DNAJC3: variants seen among roughly 807,000 people sequenced by gnomAD.
The protein encoded by DNAJC3 is dnaJ homolog subfamily C member 3.
DNAJC3 carries 38 observed loss-of-function variants against 68.6 expected under a neutral mutation model. That is an observed-to-expected ratio of 0.55 (90% CI 0.43 to 0.73). DNAJC3 has a LOEUF of 0.73. Among genes scored for constraint, DNAJC3 ranks in the 30% least tolerant of loss-of-function variants. The probability of loss-of-function intolerance (pLI) is 0.00; values close to 1 mark genes in which losing one functional copy is unlikely to be tolerated. For missense variants in DNAJC3, 526 were observed against 591.9 expected, an observed-to-expected ratio of 0.89 and a Z score of 1.16; for synonymous variants, 203 against 204.0, an observed-to-expected ratio of 1.00 and a Z score of 0.04.
Position 95,748,373 on chromosome 13 carries a change from TCTGTGGATCTGTATCAA to T in DNAJC3, c.394-9270_394-9254del, listed in dbSNP as rs543876974. ...CATTTGATAAACTCTCCTTTGGTAG[TCTGTGGATCTGTATCAA>T]TTGTAAACAATTCAAACTAACATAA... On this transcript the variant is annotated intron_variant, in intron 4 of 11. Transcript: ENST00000602402. Among the ~76,000 whole-genome samples, 93 of 152,360 alleles carry T rather than the reference TCTGTGGATCTGTATCAA, an allele frequency of 6.1e-4. 1 individual carries two copies. In the South Asian group the frequency reaches 0.018, roughly 30 times the overall value.
At chr13:95,688,310 T>G (rs542310656) in intron 1 of DNAJC3, among the ~76,000 whole-genome samples, 1 of 151,334 alleles carries the variant, frequency 6.6e-6, no homozygotes, top group African/African-American at 2.5e-5. Context: ...TCCAGTACTG[T>G]GGCAAATAGG....
intron 1 of DNAJC3, 47 bp downstream of exon 1, chr13:95,677,384 C>A: frequency 6.5e-7 from 1 of 1,529,236 alleles, no homozygotes; most frequent in Non-Finnish European, 8.8e-7. Flanking sequence ...CCGGACCAGG[C>A]CCCCCGCGCT....
chr13:95,709,934 C>T (rs1005145734), intron 2 of DNAJC3, among the ~76,000 whole-genome samples: 3 of 152,142 alleles, frequency 2.0e-5, no homozygotes, highest in Admixed American at 6.5e-5. Context: ...CCACTGCGCC[C>T]GGCCAGCTTC....
chr13:95,790,981 A>G lies in DNAJC3; in HGVS notation c.1466A>G (p.Asn489Ser). ...AGCTGGAACTCATGGCAAGGGTTCA[A>G]TCCCTTCAGCTCAGGCGGACCATTT... ...HRSWNSWQGF[N>S]PFSSGGPFRF... The change falls in exon 12 of 12, where the codon AAT (asparagine) becomes AGT (serine). Residue 489 changes from asparagine to serine, a missense_variant. Transcript: ENST00000602402. The G allele has an allele frequency of 3.1e-6, 5 of 1,613,688 alleles. No homozygotes were observed. The highest frequency in any genetic ancestry group is 2.2e-5 in the South Asian group (2 of 90,934).
At chr13:95,767,849 C>A (rs1308392219) in intron 9 of DNAJC3, among the ~76,000 whole-genome samples, 1 of 151,274 alleles carries the variant, frequency 6.6e-6, no homozygotes, top group East Asian at 1.9e-4. Context: ...ACCACCACAC[C>A]TGGCTTTTTT....
chr13:95,764,312 C>T (rs1173549550), intron 9 of DNAJC3, among the ~76,000 whole-genome samples: 2 of 150,910 alleles, frequency 1.3e-5, no homozygotes, highest in African/African-American at 4.9e-5. Flanking sequence ...TATCTATGCA[C>T]ATATATTACT....
intron 4 of DNAJC3, among the ~76,000 whole-genome samples, chr13:95,747,478 A>T (rs960152093): frequency 6.6e-6 from 1 of 152,218 alleles, no homozygotes; most frequent in African/African-American, 2.4e-5. Context: ...AGAGGCAAGC[A>T]TGTGCCTGTC....
At chr13:95,719,276 G>C (rs138255438) in intron 2 of DNAJC3, among the ~76,000 whole-genome samples, 3 of 152,312 alleles carry the variant, frequency 2.0e-5, no homozygotes, top group African/African-American at 7.2e-5. Context: ...TTGGCTGCAT[G>C]GAAGTTCTTC....
chr13:95,771,659 G>A (rs994585227), intron 9 of DNAJC3, among the ~76,000 whole-genome samples: 1 of 152,140 alleles, frequency 6.6e-6, no homozygotes, highest in Non-Finnish European at 1.5e-5. Context: ...CTAGGGTCTG[G>A]ATCTAGTCAG....
At position 95,769,992 on chromosome 13, in the gene DNAJC3, A is replaced by G. The variant is rs546665549; in HGVS notation, c.1075+6039A>G. ...CAGATTTCCAAATTATGAAAAGCTTAAAGTGTTGGAAGTAAAAAGTGCTAA... is the reference window on the plus strand; with the variant it reads ...CAGATTTCCAAATTATGAAAAGCTTGAAGTGTTGGAAGTAAAAAGTGCTAA... On this transcript the variant is annotated intron_variant, in intron 9 of 11. Transcript: ENST00000602402. Among the ~76,000 whole-genome samples, 4 of 152,348 alleles carry G rather than the reference A, an allele frequency of 2.6e-5. No homozygotes were observed. In the East Asian group the frequency reaches 7.7e-4, roughly 29 times the overall value.
intron 1 of DNAJC3, chr13:95,693,587 ACAGCCCTTAGTGT>A (rs1414932501): frequency 1.3e-5 from 2 of 150,870 alleles, no homozygotes; most frequent in East Asian, 3.9e-4. Context: ...TCTAAAACTT[ACAGCCCTTAGTGT>A]AACCTAGGGA....
chr13:95,731,619 C>T (rs1023668797), intron 4 of DNAJC3, among the ~76,000 whole-genome samples: 1 of 152,178 alleles, frequency 6.6e-6, no homozygotes, highest in African/African-American at 2.4e-5. Context: ...AAATGTTGAA[C>T]CATTCTTGCG....
chr13:95,728,171 G>A lies in DNAJC3; in HGVS notation c.393+2919G>A, dbSNP rs544378670. ...AAATAAAGCTGCCGTGAACATTCTC[G>A]TACAGATGTTTGTGTGAACGTGAAT... On this transcript the variant is annotated intron_variant, in intron 4 of 11. Coordinates refer to ENST00000602402, the MANE Select transcript of DNAJC3 (RefSeq NM_006260.5). Among the ~76,000 whole-genome samples the A allele has an allele frequency of 6.6e-5, 10 of 152,218 alleles. No individual in the cohort carries two copies. In the South Asian group the frequency reaches 1.7e-3, roughly 25 times the overall value.
intron 9 of DNAJC3, among the ~76,000 whole-genome samples, chr13:95,784,227 G>A (rs551200569): frequency 1.9e-4 from 29 of 152,310 alleles, no homozygotes; most frequent in African/African-American, 6.7e-4. Flanking sequence ...TATGCAGGGA[G>A]AATATTGAGA....
intron 4 of DNAJC3, among the ~76,000 whole-genome samples, chr13:95,738,405 C>G (rs1474884260): frequency 2.0e-5 from 3 of 148,778 alleles, no homozygotes; most frequent in Non-Finnish European, 4.5e-5. Flanking sequence ...GTTGATCTGT[C>G]TAATGTTGAC....
At chr13:95,705,633 T>G (rs962846770) in intron 1 of DNAJC3, among the ~76,000 whole-genome samples, 3 of 151,818 alleles carry the variant, frequency 2.0e-5, no homozygotes, top group Admixed American at 2.0e-4. Flanking sequence ...GCTCAAAGGA[T>G]CCTTCCTCCT....
intron 7 of DNAJC3, among the ~76,000 whole-genome samples, chr13:95,763,050 G>A (rs1882871044): frequency 6.6e-6 from 1 of 152,264 alleles, no homozygotes; most frequent in African/African-American, 2.4e-5. Flanking sequence ...CTATTGTTGA[G>A]GGAAATAACT....
chr13:95,696,983 C>T (rs749103214), intron 1 of DNAJC3, among the ~76,000 whole-genome samples: 16 of 151,982 alleles, frequency 1.1e-4, no homozygotes, highest in Admixed American at 2.6e-4. Flanking sequence ...TCCAGTTTGC[C>T]GTTGTATCTG....
intron 1 of DNAJC3, among the ~76,000 whole-genome samples, chr13:95,690,131 G>A (rs903963687): frequency 5.9e-5 from 9 of 151,720 alleles, no homozygotes; most frequent in African/African-American, 1.5e-4. Flanking sequence ...AGGACCCTGC[G>A]GCCTTCCACA....
Sources: allele counts gnomAD v4.1 joint callset (sites outside exome capture counted in the v4.1 genomes callset), GRCh38; gene constraint gnomAD v4.1.1; transcripts MANE v1.5; gene names NCBI Gene and HGNC (gene_info 2026-07-23, HGNC 2026-07-21).